PRKCA: variants seen among roughly 807,000 people sequenced by gnomAD.
PRKCA encodes the protein protein kinase C alpha.
A neutral mutation model predicts 87.0 loss-of-function variants in PRKCA; 27 were observed. The ratio of observed to expected loss-of-function variants is 0.31; its 90% CI spans 0.23 to 0.43. The LOEUF (loss-of-function observed/expected upper bound fraction) is 0.43. Ranked by LOEUF, PRKCA falls within the 20% of genes least tolerant of loss-of-function variation. PRKCA has a pLI of 1.00. For missense variants in PRKCA, 518 were observed against 852.3 expected, an observed-to-expected ratio of 0.61 and a Z score of 4.88; for synonymous variants, 329 against 311.1, an observed-to-expected ratio of 1.06 and a Z score of -0.61.
chr17:66,658,887 G>GT (rs1242994133), intron 5 of PRKCA, among the ~76,000 whole-genome samples: 2 of 152,234 alleles, frequency 1.3e-5, no homozygotes, highest in African/African-American at 4.8e-5. Flanking sequence ...GACCTCATTT[G>GT]TTTTTTCTTC....
chr17:66,638,427 A>C (rs1207849212), intron 3 of PRKCA: 1 of 152,158 alleles, frequency 6.6e-6, no homozygotes, highest in Non-Finnish European at 1.5e-5. Context: ...AAGGTCATTA[A>C]CATCTCTGTA....
chr17:66,498,151 C>T (rs1338573780), intron 3 of PRKCA, among the ~76,000 whole-genome samples: 1 of 152,034 alleles, frequency 6.6e-6, no homozygotes, highest in Non-Finnish European at 1.5e-5. Context: ...CCTCCTGCCC[C>T]CTGCCCCGGC....
chr17:66,490,906 G>A (rs1012439137), intron 2 of PRKCA, among the ~76,000 whole-genome samples: 1 of 152,172 alleles, frequency 6.6e-6, no homozygotes, highest in South Asian at 2.1e-4. Context: ...CCAAACACAG[G>A]TGACTGTTAT....
At chr17:66,679,674 G>A (rs1353536217) in intron 5 of PRKCA, among the ~76,000 whole-genome samples, 1 of 152,200 alleles carries the variant, frequency 6.6e-6, no homozygotes, top group African/African-American at 2.4e-5. Context: ...CATCTTTCTA[G>A]TGGAAGAGTT....
intron 8 of PRKCA, among the ~76,000 whole-genome samples, chr17:66,710,015 G>A (rs546094090): frequency 6.6e-6 from 1 of 152,318 alleles, no homozygotes; most frequent in Admixed American, 6.5e-5. Context: ...ACCCCGTCAT[G>A]TGAACTGGCC....
At chr17:66,353,573 G>A (rs964613083) in intron 2 of PRKCA, among the ~76,000 whole-genome samples, 5 of 152,092 alleles carry the variant, frequency 3.3e-5, no homozygotes, top group East Asian at 1.9e-4. Flanking sequence ...AAAATTAGCC[G>A]GGTGTGGTGG....
intron 2 of PRKCA, among the ~76,000 whole-genome samples, chr17:66,319,372 A>C (rs1451192522): frequency 2.0e-5 from 3 of 152,336 alleles, no homozygotes; most frequent in Middle Eastern, 3.4e-3. Context: ...TTTGTGCACA[A>C]GTTGTTTTTG....
At chr17:66,578,679 G>A (rs1348122721) in intron 3 of PRKCA, among the ~76,000 whole-genome samples, 1 of 152,146 alleles carries the variant, frequency 6.6e-6, no homozygotes, top group Non-Finnish European at 1.5e-5. Flanking sequence ...GCCCATGTTT[G>A]TCTTCCACAC....
intron 3 of PRKCA, among the ~76,000 whole-genome samples, chr17:66,505,873 A>T (rs199524184): frequency 6.6e-6 from 1 of 151,878 alleles, no homozygotes; most frequent in Non-Finnish European, 1.5e-5. Flanking sequence ...CTTATTTTGA[A>T]TTTTAGAGGT....
intron 14 of PRKCA, chr17:66,778,397 T>C (rs1975115415): frequency 4.6e-6 from 1 of 215,508 alleles, no homozygotes; most frequent in East Asian, 1.8e-4. Flanking sequence ...GCGCCTGTAG[T>C]CCCAGCTACT....
At chr17:66,332,351 C>G (rs1191857258) in intron 2 of PRKCA, among the ~76,000 whole-genome samples, 1 of 151,766 alleles carries the variant, frequency 6.6e-6, no homozygotes, top group Non-Finnish European at 1.5e-5. Context: ...CCTCAGCCTC[C>G]CAAGTAGCTG....
At chr17:66,338,000 TC>T (rs143400908) in intron 2 of PRKCA, among the ~76,000 whole-genome samples, 5,334 of 149,258 alleles carry the variant, frequency 0.036, 125 homozygotes, top group African/African-American at 0.071. Flanking sequence ...CTGGGAATCT[TC>T]CCCCCCCTCC....
chr17:66,386,098 G>A (rs767963002), intron 2 of PRKCA, among the ~76,000 whole-genome samples: 5 of 152,150 alleles, frequency 3.3e-5, no homozygotes, highest in African/African-American at 4.8e-5. Flanking sequence ...CCATGCTATA[G>A]GTTCATTTTG....
intron 8 of PRKCA, among the ~76,000 whole-genome samples, chr17:66,717,692 C>T (rs541059023): frequency 2.6e-5 from 4 of 152,334 alleles, no homozygotes; most frequent in East Asian, 3.9e-4. Flanking sequence ...CCTTCTCTTC[C>T]TCCACCAGCA....
chr17:66,525,687 G>A (rs929826829), intron 3 of PRKCA, among the ~76,000 whole-genome samples: 7 of 152,138 alleles, frequency 4.6e-5, no homozygotes, highest in Admixed American at 6.5e-5. Context: ...TTTCATTCTG[G>A]GGGACTGACA....
intron 8 of PRKCA, among the ~76,000 whole-genome samples, chr17:66,716,602 C>T (rs762932416): frequency 1.3e-5 from 2 of 152,100 alleles, no homozygotes; most frequent in East Asian, 1.9e-4. Flanking sequence ...TGAGACAAGG[C>T]GTGCACCACC....
intron 3 of PRKCA, among the ~76,000 whole-genome samples, chr17:66,543,792 C>T (rs371843447): frequency 2.0e-5 from 3 of 152,208 alleles, no homozygotes; most frequent in African/African-American, 4.8e-5. Context: ...CCCCAAAGTT[C>T]TGGAACAAGC....
At chr17:66,393,103 T>C (rs906781578) in intron 2 of PRKCA, among the ~76,000 whole-genome samples, 5 of 152,154 alleles carry the variant, frequency 3.3e-5, no homozygotes, top group African/African-American at 1.2e-4. Flanking sequence ...ATTTTAAACA[T>C]AAGCCAGTGG....
intron 13 of PRKCA, among the ~76,000 whole-genome samples, chr17:66,752,350 T>G (rs1974452859): frequency 6.6e-6 from 1 of 152,212 alleles, no homozygotes; most frequent in African/African-American, 2.4e-5. Context: ...ATCCCAGCAC[T>G]TTGGGAGGCC....
Sources: gnomAD v4.1 joint callset for allele counts (sites outside exome capture counted in the v4.1 genomes callset) on GRCh38, gnomAD v4.1.1 for gene constraint, MANE v1.5 for transcripts, NCBI Gene and HGNC (gene_info 2026-07-23, HGNC 2026-07-21) for gene names.